Variants in AKT2 observed in about 807,000 individuals in gnomAD.
The protein encoded by AKT2 is AKT serine/threonine kinase 2.
AKT2 carries 16 observed loss-of-function variants against 58.6 expected under a neutral mutation model. That is an observed-to-expected ratio of 0.27 (90% CI 0.18 to 0.41). AKT2 has a LOEUF of 0.41. Among genes scored for constraint, AKT2 ranks in the 10% least tolerant of loss-of-function variants. The pLI, the probability that AKT2 is intolerant of heterozygous loss-of-function variation, is 1.00. For synonymous variants in AKT2, 253 were observed against 254.0 expected (o/e 1.00, Z 0.04); for missense variants, 438 against 661.0 (o/e 0.66, Z 3.70).
chr19:40,285,285 C>CCGGCAGCGGCAGCGGCGG lies in AKT2; in HGVS notation c.-207_-190dup, dbSNP rs1555780440. 38 of 395,118 alleles carry CCGGCAGCGGCAGCGGCGG rather than the reference C, an allele frequency of 9.6e-5. 1 individual carries two copies. The Admixed American group carries it at 1.2e-3, about 12-fold the overall frequency. The allele number at this position is 395,118 out of a possible 1,614,324, so 24.5% of individuals were successfully genotyped here. On this transcript the variant is annotated 5_prime_UTR_variant, in exon 1 of 14. Transcript: ENST00000392038. ...GTGTTTCCCGGCAGCGGCAACGGCG[C>CCGGCAGCGGCAGCGGCGG]CGGCAGCGGCAGCGGCGGCGGCGAC...
At chr19:40,254,032 T>C (rs933130385) in intron 4 of AKT2, among the ~76,000 whole-genome samples, 3 of 150,974 alleles carry the variant, frequency 2.0e-5, no homozygotes, top group African/African-American at 7.3e-5. Context: ...CCTCTGCTCT[T>C]TGAGGGCACC....
chr19:40,251,848 A>G (rs926028723), intron 4 of AKT2, among the ~76,000 whole-genome samples: 2 of 152,232 alleles, frequency 1.3e-5, no homozygotes, highest in African/African-American at 4.8e-5. Context: ...AACACTAAGA[A>G]TGTCACTAAG....
At chr19:40,241,784 G>T in intron 6 of AKT2, 154 bp downstream of exon 6, 1 of 1,169,478 alleles carries the variant, frequency 8.6e-7, no homozygotes, top group Non-Finnish European at 1.2e-6. Flanking sequence ...GCTCCTCTCT[G>T]GGCCTCAGGC....
chr19:40,243,498 C>A (rs940772762), intron 4 of AKT2: 2 of 152,356 alleles, frequency 1.3e-5, no homozygotes, highest in African/African-American at 4.8e-5. Context: ...AGGGAGTCTG[C>A]ATGGCAGGGA....
At chr19:40,278,191 G>A (rs1164265686) in intron 1 of AKT2, among the ~76,000 whole-genome samples, 1 of 152,254 alleles carries the variant, frequency 6.6e-6, no homozygotes, top group East Asian at 1.9e-4. Flanking sequence ...GGCAGGGCAA[G>A]AAGATGAGGC....
intron 1 of AKT2, among the ~76,000 whole-genome samples, chr19:40,267,139 C>T (rs1038972907): frequency 6.6e-6 from 1 of 152,068 alleles, no homozygotes; most frequent in African/African-American, 2.4e-5. Context: ...CCACTCACCC[C>T]ACATTCAGCA....
intron 1 of AKT2, among the ~76,000 whole-genome samples, chr19:40,284,210 G>T (rs2077473441): frequency 6.6e-6 from 1 of 152,090 alleles, no homozygotes; most frequent in African/African-American, 2.4e-5. Context: ...CTTCCCTGGG[G>T]GGAAGAGGTG....
intron 3 of AKT2, 164 bp from the exon 4 acceptor site, chr19:40,255,433 G>T: frequency 3.4e-6 from 2 of 586,460 alleles, no homozygotes; most frequent in Non-Finnish European, 3.1e-6. Flanking sequence ...CAGGGCTCAG[G>T]GTCTAGTGTG....
chr19:40,245,729 A>G (rs1471764897), intron 4 of AKT2, among the ~76,000 whole-genome samples: 1 of 152,184 alleles, frequency 6.6e-6, no homozygotes, highest in East Asian at 1.9e-4. Flanking sequence ...CCACCCACTC[A>G]GAGACTGGAG....
rs552972206 is a variant in AKT2 at position 40,271,262 on chromosome 19, C to CAT, written c.-84-5913_-84-5912dup. ...ATATGTATATATACACGTATATATACATATATATATATATAGTAGTCAGGT... is the reference window on the plus strand; with the variant it reads ...ATATGTATATATACACGTATATATACATATATATATATATATAGTAGTCAGGT... On this transcript the variant is annotated intron_variant, in intron 1 of 13. Coordinates refer to ENST00000392038, the MANE Select transcript of AKT2 (RefSeq NM_001626.6). 3.2e-3 allele frequency among the ~76,000 whole-genome samples: 442 copies of CAT among 138,140 alleles called. 3 individuals are homozygous for CAT. The highest frequency in any genetic ancestry group is 9.6e-3 in the South Asian group (43 of 4,456). The allele number at this position is 138,140 out of a possible 152,430, so 90.6% of individuals were successfully genotyped here. A position where few individuals can be genotyped will look rare whatever the true frequency, so the allele number is the denominator to read the frequency against.
rs1184693818 is a variant in AKT2, at chr19:40,235,680, G to C, written c.1175+210C>G. Reference sequence around the variant, plus strand: ...GGCCCAGGGGATGCCCTGTTCCTCAGTGTCCCCATAAAATAAGGCAGTGTC... The same window carrying C: ...GGCCCAGGGGATGCCCTGTTCCTCACTGTCCCCATAAAATAAGGCAGTGTC... On this transcript the variant is annotated intron_variant, in intron 11 of 13. Coordinates refer to ENST00000392038, the MANE Select transcript of AKT2 (RefSeq NM_001626.6). The surrounding 1 kb of genome is among the most constrained non-coding windows in gnomAD (Gnocchi z 6.3). 1.3e-5 allele frequency among the ~76,000 whole-genome samples: 2 copies of C among 152,174 alleles called. No individual in the cohort carries two copies. Among genetic ancestry groups the C allele is most frequent in the Non-Finnish European group, 2.9e-5 (2 of 68,032 alleles).
At chr19:40,258,793 G>A (rs1012140679) in intron 2 of AKT2, among the ~76,000 whole-genome samples, 8 of 152,052 alleles carry the variant, frequency 5.3e-5, no homozygotes, top group Non-Finnish European at 8.8e-5. Context: ...TGTGTGCATG[G>A]ATTAGAAGAC....
chr19:40,242,434 G>T lies in AKT2; in HGVS notation c.441+100C>A. 1 of 1,553,532 alleles carries T rather than the reference G, an allele frequency of 6.4e-7. No homozygotes were observed. The highest frequency in any genetic ancestry group is 8.8e-7 in the Non-Finnish European group (1 of 1,136,170). The stretch of plus-strand genomic sequence containing the variant: ...TGCAGGGCAGCCTTGTCTCTCAGCT[G>T]AGCCCCCTGAACTGTGTTATGGAAA... On this transcript the variant is annotated intron_variant, in intron 5 of 13. Transcript: ENST00000392038. This position sits in a 1 kb window ranked among gnomAD's most constrained non-coding sequence, Gnocchi z 4.3.
In AKT2 at chr19:40,234,728, C is replaced by G. The variant is rs1268486199; in HGVS notation, c.1366+317G>C. The G allele has an allele frequency of 1.7e-6, 1 of 602,532 alleles. No individual in the cohort carries two copies. The highest frequency in any genetic ancestry group is 1.9e-5 in the African/African-American group (1 of 53,852). 37.3% of individuals were successfully genotyped at this position (602,532 alleles called of 1,614,324 possible). A position where few individuals can be genotyped will look rare whatever the true frequency, so the allele number is the denominator to read the frequency against. On this transcript the variant is annotated intron_variant, in intron 13 of 13. Transcript: ENST00000392038. This position sits in a 1 kb window ranked among gnomAD's most constrained non-coding sequence, Gnocchi z 4.7. Reference sequence around the variant, plus strand: ...AATCAGTGCTGTGTCCCCAGCATAGCCCAGCCCTGGGCTGAGTTCAGAGTA... The same window carrying G: ...AATCAGTGCTGTGTCCCCAGCATAGGCCAGCCCTGGGCTGAGTTCAGAGTA...
chr19:40,258,581 A>T (rs1476754583), intron 2 of AKT2, among the ~76,000 whole-genome samples: 1 of 150,920 alleles, frequency 6.6e-6, no homozygotes, highest in South Asian at 2.1e-4. Flanking sequence ...TGGCAGAATC[A>T]CCTGAGCTCA....
chr19:40,240,776 C>T (rs942421383), intron 6 of AKT2: 1 of 146,266 alleles, frequency 6.8e-6, no homozygotes, highest in Non-Finnish European at 1.5e-5. Context: ...TGTCTGAAGT[C>T]TTTTTTTTTT....
At position 40,233,379 on chromosome 19, in the gene AKT2, G is replaced by A. The variant is rs751163436; in HGVS notation, c.*493C>T. ...TTTTCTGCCCCCATAGGGGGACAGC[G>A]GGTGGGGGATTGGACCGCCCCGTGC... is the stretch of plus-strand genomic sequence containing the variant. On this transcript the variant is annotated 3_prime_UTR_variant, in exon 14 of 14. Coordinates refer to ENST00000392038, the MANE Select transcript of AKT2 (RefSeq NM_001626.6). The surrounding 1 kb of genome is among the most constrained non-coding windows in gnomAD (Gnocchi z 4.3). 9.5e-5 allele frequency: 41 copies of A among 431,134 alleles called. No homozygotes were observed. Among genetic ancestry groups the A allele is most frequent in the Admixed American group, 2.1e-4 (6 of 28,328 alleles). 26.7% of individuals were successfully genotyped at this position (431,134 alleles called of 1,614,324 possible).
chr19:40,242,481 T>C lies in AKT2; in HGVS notation c.441+53A>G. On this transcript the variant is annotated intron_variant, in intron 5 of 13. Coordinates refer to ENST00000392038, the MANE Select transcript of AKT2 (RefSeq NM_001626.6). This position sits in a 1 kb window ranked among gnomAD's most constrained non-coding sequence, Gnocchi z 4.3. ...GAAACCAAGGAGAGCAGGCCAGCACTGGGGGTGGGGGCACCGCAGGCTGGC... is the reference window on the plus strand; with the variant it reads ...GAAACCAAGGAGAGCAGGCCAGCACCGGGGGTGGGGGCACCGCAGGCTGGC... The C allele has an allele frequency of 6.2e-7, 1 of 1,609,196 alleles. No homozygotes were observed. The highest frequency in any genetic ancestry group is 8.5e-7 in the Non-Finnish European group (1 of 1,178,508).
At position 40,240,328 on chromosome 19, in the gene AKT2, C is replaced by T. The variant is rs140072476; in HGVS notation, c.574-218G>A. On this transcript the variant is annotated intron_variant, in intron 6 of 13. Coordinates refer to ENST00000392038, the MANE Select transcript of AKT2 (RefSeq NM_001626.6). ...CTCAAAGCCACAGGTGAAAAGTCAGCAGGAATGTCACAATGTAAGGACCAG... is the reference window on the plus strand; with the variant it reads ...CTCAAAGCCACAGGTGAAAAGTCAGTAGGAATGTCACAATGTAAGGACCAG... 108 of 731,024 alleles carry T rather than the reference C, an allele frequency of 1.5e-4. 1 individual carries two copies. In the East Asian group the frequency reaches 2.8e-3, roughly 19 times the overall value. The allele number at this position is 731,024 out of a possible 1,614,324, so 45.3% of individuals were successfully genotyped here. A position where few individuals can be genotyped will look rare whatever the true frequency, so the allele number is the denominator to read the frequency against.
Sources: gnomAD v4.1 joint callset for allele counts (sites outside exome capture counted in the v4.1 genomes callset) on GRCh38, gnomAD v4.1.1 for gene constraint, Gnocchi (gnomAD v3.1) non-coding constraint, MANE v1.5 for transcripts, NCBI Gene and HGNC (gene_info 2026-07-23, HGNC 2026-07-21) for gene names.